The following NDUFAF6 variants were observed in gnomAD, a reference collection of about 807,000 sequenced individuals.
NDUFAF6 encodes NADH dehydrogenase (ubiquinone) complex I, assembly factor 6.
Under a neutral mutation model 40.8 loss-of-function variants are expected in NDUFAF6, and 45 were observed. The ratio of observed to expected loss-of-function variants is 1.10; its 90% CI spans 0.87 to 1.42. The LOEUF (loss-of-function observed/expected upper bound fraction) is 1.42, where lower values mean the gene tolerates loss of function less well. Among genes scored for constraint, NDUFAF6 ranks in the 40% most tolerant of loss-of-function variants. The pLI, the probability that NDUFAF6 is intolerant of heterozygous loss-of-function variation, is 0.00. For missense variants in NDUFAF6, 435 were observed against 418.5 expected (o/e 1.04, Z -0.34); for synonymous variants, 185 against 155.9 (o/e 1.19, Z -1.39).
At position 95,045,636 on chromosome 8, in the gene NDUFAF6, T is replaced by A; in HGVS notation, c.569T>A (p.Leu190Gln). ...NTQSSLLYLT[L>Q]EILGIKDLHA... is the part of the protein sequence containing the mutation. Reference sequence around the variant, plus strand: ...CAGAGCTCTCTTCTTTACTTAACACTAGAAATATTGGGTAAGTTGTTTTTC... The same window carrying A: ...CAGAGCTCTCTTCTTTACTTAACACAAGAAATATTGGGTAAGTTGTTTTTC... The change falls in exon 5 of 9, where the codon CTA (leucine) becomes CAA (glutamine). Residue 190 changes from leucine to glutamine, a missense_variant. Leu to Gln is a moderately radical substitution (Grantham distance 113, BLOSUM62 -2). Coordinates refer to ENST00000396124, the MANE Select transcript of NDUFAF6 (RefSeq NM_152416.4). The A allele has an allele frequency of 3.1e-6, 5 of 1,610,188 alleles. No homozygotes were observed. The highest frequency in any genetic ancestry group is 4.2e-6 in the Non-Finnish European group (5 of 1,176,758).
chr8:94,949,527 G>A (rs953866248), intron 2 of NDUFAF6: 3 of 152,164 alleles, frequency 2.0e-5, no homozygotes, highest in African/African-American at 7.2e-5. Context: ...CCCGGCCGGC[G>A]GCGCGCTCAG....
chr8:95,115,456 A>C (rs769293403), intron 4 of NDUFAF6: 9 of 151,786 alleles, frequency 5.9e-5, no homozygotes, highest in Non-Finnish European at 1.0e-4. Context: ...AAGATGACAG[A>C]GTTATAACAG....
chr8:94,896,193 G>A (rs1817543960), intron 1 of NDUFAF6, among the ~76,000 whole-genome samples: 1 of 151,374 alleles, frequency 6.6e-6, no homozygotes, highest in Non-Finnish European at 1.5e-5. Flanking sequence ...TGAGCGCGGT[G>A]GTCCCCGGGG....
At chr8:95,103,442 CT>C (rs1231769219) in exon 3 of NDUFAF6, 4 of 152,142 alleles carry the variant, frequency 2.6e-5, no homozygotes, top group African/African-American at 9.7e-5. Flanking sequence ...AATGCCACAC[CT>C]TTTTCTTAAC....
chr8:94,905,373 G>A (rs1818329234), intron 1 of NDUFAF6, among the ~76,000 whole-genome samples: 2 of 151,394 alleles, frequency 1.3e-5, no homozygotes, highest in South Asian at 4.2e-4. Context: ...TGAGGCAACA[G>A]TTAGCAAGTG....
chr8:94,980,442 G>GTTTTTTTTTT (rs869184585), intron 1 of NDUFAF6, among the ~76,000 whole-genome samples: 15 of 107,900 alleles, frequency 1.4e-4, no homozygotes, highest in African/African-American at 2.2e-4. Context: ...TGGTTTTTTT[G>GTTTTTTTTTT]TTTTTTTTTT....
At chr8:95,009,351 C>A (rs948687532) in intron 2 of NDUFAF6, among the ~76,000 whole-genome samples, 1 of 91,948 alleles carries the variant, frequency 1.1e-5, no homozygotes, top group Non-Finnish European at 2.2e-5. Flanking sequence ...CACATAATTG[C>A]CTTTGATTTG....
chr8:95,056,507 G>A (rs570267498), intron 8 of NDUFAF6, among the ~76,000 whole-genome samples: 43 of 152,088 alleles, frequency 2.8e-4, no homozygotes, highest in Middle Eastern at 3.4e-3. Flanking sequence ...GCCACCACGC[G>A]TGGTCTCTGG....
At chr8:95,105,448 C>T (rs1443209779), downstream of NDUFAF6, among the ~76,000 whole-genome samples, 1 of 152,008 alleles carries the variant, frequency 6.6e-6, no homozygotes, top group Non-Finnish European at 1.5e-5. Flanking sequence ...CAGCCTCAAC[C>T]TTCTGGACTC....
intron 2 of NDUFAF6, among the ~76,000 whole-genome samples, chr8:95,002,374 CTCTT>C (rs1351044683): frequency 2.0e-5 from 3 of 152,218 alleles, no homozygotes; most frequent in African/African-American, 4.8e-5. Flanking sequence ...AGTCTCACCT[CTCTT>C]TCTCTTTTTT....
intron 8 of NDUFAF6, chr8:95,055,346 C>T (rs1248434678): frequency 6.6e-6 from 1 of 151,962 alleles, no homozygotes; most frequent in Non-Finnish European, 1.5e-5. Context: ...AATTCTAACA[C>T]CAAAAGATAA....
downstream of NDUFAF6, among the ~76,000 whole-genome samples, chr8:95,080,090 ATTTTTTGTAGTGTATTTTTTGTAGTGAT>A (rs1554689615): frequency 1.3e-5 from 1 of 75,348 alleles, no homozygotes; most frequent in African/African-American, 6.1e-5. Context: ...TTTTGTAGTG[ATTTTTTGTAGTGTATTTTTTGTAGTGAT>A]TTTTTTGTAG....
intron 1 of NDUFAF6, among the ~76,000 whole-genome samples, chr8:94,972,725 T>G (rs1824569193): frequency 1.8e-5 from 1 of 54,084 alleles, no homozygotes; most frequent in Non-Finnish European, 3.6e-5. Context: ...ACCCTGTCTC[T>G]ACTGAAACTT....
At chr8:95,081,447 G>T (rs546083841) in intron 2 of NDUFAF6, among the ~76,000 whole-genome samples, 1 of 151,978 alleles carries the variant, frequency 6.6e-6, no homozygotes, top group Non-Finnish European at 1.5e-5. Context: ...TGGGATTACA[G>T]GCCTGAGCCA....
At chr8:94,905,071 A>C (rs1818304703) in intron 1 of NDUFAF6, among the ~76,000 whole-genome samples, 2 of 152,074 alleles carry the variant, frequency 1.3e-5, no homozygotes, top group South Asian at 4.1e-4. Context: ...CCGGTGGTGC[A>C]TACCTGTAAT....
At chr8:95,100,000 C>T (rs572347174), upstream of NDUFAF6, among the ~76,000 whole-genome samples, 7 of 152,254 alleles carry the variant, frequency 4.6e-5, no homozygotes, top group East Asian at 1.3e-3. Flanking sequence ...CTGGTCTGGG[C>T]TACAGATAAT....
intron 1 of NDUFAF6, among the ~76,000 whole-genome samples, chr8:94,909,792 A>ATG (rs1818648864): frequency 1.4e-5 from 2 of 144,624 alleles, no homozygotes; most frequent in South Asian, 4.3e-4. Flanking sequence ...ATATGTGTAT[A>ATG]TATATACACA....
intron 1 of NDUFAF6, among the ~76,000 whole-genome samples, chr8:94,910,909 A>T (rs1818740018): frequency 2.0e-5 from 3 of 152,210 alleles, no homozygotes; most frequent in Admixed American, 6.5e-5. Flanking sequence ...GCAATTTTTT[A>T]AAAATGAGTT....
At chr8:95,046,248 A>G (rs562160762) in intron 5 of NDUFAF6, among the ~76,000 whole-genome samples, 2 of 152,128 alleles carry the variant, frequency 1.3e-5, no homozygotes, top group South Asian at 4.2e-4. Flanking sequence ...TTTAGTAGAG[A>G]CGAGGCCAGA....
Sources: gnomAD v4.1 joint callset for allele counts (sites outside exome capture counted in the v4.1 genomes callset) on GRCh38, gnomAD v4.1.1 for gene constraint, MANE v1.5 for transcripts, NCBI Gene and HGNC (gene_info 2026-07-23, HGNC 2026-07-21) for gene names.